Variants in MYO1D observed in about 807,000 individuals in gnomAD.
MYO1D encodes the protein myosin ID.
MYO1D carries 83 observed loss-of-function variants against 122.0 expected under a neutral mutation model. The ratio of observed to expected loss-of-function variants is 0.68; its 90% CI spans 0.57 to 0.82. MYO1D has a LOEUF of 0.82. Ranked by LOEUF, MYO1D falls within the 40% of genes least tolerant of loss-of-function variation. MYO1D has a pLI of 0.00. For missense variants in MYO1D, 1,157 were observed against 1,269.5 expected (o/e 0.91, Z 1.35); for synonymous variants, 464 against 446.9 (o/e 1.04, Z -0.48).
At chr17:32,865,533 T>C (rs776864811) in intron 1 of MYO1D, among the ~76,000 whole-genome samples, 10 of 152,256 alleles carry the variant, frequency 6.6e-5, no homozygotes, top group Non-Finnish European at 1.5e-4. Context: ...GGTGTGTTTA[T>C]CCATCTATTC....
At chr17:32,746,676 C>T (rs537644499) in intron 12 of MYO1D, among the ~76,000 whole-genome samples, 4 of 152,108 alleles carry the variant, frequency 2.6e-5, no homozygotes, top group African/African-American at 9.6e-5. Flanking sequence ...AGAGACCATA[C>T]CTTATGAAGT....
intron 16 of MYO1D, among the ~76,000 whole-genome samples, chr17:32,679,316 G>A (rs1419229400): frequency 6.6e-6 from 1 of 151,814 alleles, no homozygotes; most frequent in African/African-American, 2.4e-5. Flanking sequence ...TTGGTGTTTT[G>A]TACATGAAGT....
At chr17:32,820,290 C>T (rs1385563585) in intron 1 of MYO1D, among the ~76,000 whole-genome samples, 2 of 152,180 alleles carry the variant, frequency 1.3e-5, no homozygotes, top group Non-Finnish European at 2.9e-5. Flanking sequence ...GAAAGAAAAT[C>T]ACCATCTTGA....
intron 1 of MYO1D, among the ~76,000 whole-genome samples, chr17:32,876,315 G>C (rs2151096912): frequency 6.6e-6 from 1 of 152,258 alleles, no homozygotes; most frequent in Non-Finnish European, 1.5e-5. Flanking sequence ...AAAGAAGCAA[G>C]TGTAAAGCCG....
intron 10 of MYO1D, chr17:32,759,668 A>G (rs2089980746): frequency 6.4e-6 from 1 of 156,730 alleles, no homozygotes; most frequent in Non-Finnish European, 1.4e-5. Flanking sequence ...CATGCCTTTT[A>G]GCTTTGATCT....
At chr17:32,831,240 A>G (rs920338315) in intron 1 of MYO1D, among the ~76,000 whole-genome samples, 25 of 152,208 alleles carry the variant, frequency 1.6e-4, no homozygotes, top group African/African-American at 6.0e-4. Flanking sequence ...TTCTGCCGAG[A>G]AAGAGAATAA....
At chr17:32,780,201 T>C (rs2090220975) in intron 2 of MYO1D, among the ~76,000 whole-genome samples, 1 of 152,222 alleles carries the variant, frequency 6.6e-6, no homozygotes. Flanking sequence ...AGTCTGATTT[T>C]GAGTTGATTC....
chr17:32,822,255 T>G (rs1391674830), intron 1 of MYO1D, among the ~76,000 whole-genome samples: 1 of 152,060 alleles, frequency 6.6e-6, no homozygotes, highest in Non-Finnish European at 1.5e-5. Context: ...ACCATCATTC[T>G]CAGCAAACTA....
intron 21 of MYO1D, among the ~76,000 whole-genome samples, chr17:32,537,685 C>G (rs1419950272): frequency 6.6e-6 from 1 of 152,090 alleles, no homozygotes; most frequent in African/African-American, 2.4e-5. Flanking sequence ...GCATAGCGGT[C>G]CATAGAGAGA....
intron 12 of MYO1D, 98 bp downstream of exon 12, chr17:32,748,838 T>C (rs879006417): frequency 9.0e-7 from 1 of 1,114,688 alleles, no homozygotes; most frequent in South Asian, 1.3e-5. Flanking sequence ...GACCAAAACA[T>C]GCAAATGAAT....
At chr17:32,546,444 C>T (rs553977626) in intron 21 of MYO1D, among the ~76,000 whole-genome samples, 1 of 152,326 alleles carries the variant, frequency 6.6e-6, no homozygotes, top group African/African-American at 2.4e-5. Flanking sequence ...GTGAGCAAGT[C>T]CAGAAGCAGG....
At chr17:32,684,543 G>A (rs1411850016) in intron 16 of MYO1D, among the ~76,000 whole-genome samples, 2 of 152,088 alleles carry the variant, frequency 1.3e-5, no homozygotes, top group African/African-American at 4.8e-5. Flanking sequence ...TTAAAGACTC[G>A]CTGATCTGTA....
intron 20 of MYO1D, among the ~76,000 whole-genome samples, chr17:32,613,981 C>A (rs2087738752): frequency 6.6e-6 from 1 of 150,712 alleles, no homozygotes; most frequent in Non-Finnish European, 1.5e-5. Flanking sequence ...TTACAGTATA[C>A]CATGGTATAT....
chr17:32,876,563 C>T (rs961419943), intron 1 of MYO1D, among the ~76,000 whole-genome samples: 2 of 152,112 alleles, frequency 1.3e-5, no homozygotes, highest in Non-Finnish European at 2.9e-5. Flanking sequence ...GCTCGACACG[C>T]CCCCCGCACC....
chr17:32,674,543 C>G (rs1227714450), intron 16 of MYO1D, among the ~76,000 whole-genome samples: 2 of 151,732 alleles, frequency 1.3e-5, no homozygotes, highest in Non-Finnish European at 2.9e-5. Flanking sequence ...TTTTAAAGTA[C>G]TTATTCTTGA....
chr17:32,572,275 G>A (rs903655746), intron 21 of MYO1D, among the ~76,000 whole-genome samples: 1 of 152,020 alleles, frequency 6.6e-6, no homozygotes, highest in Non-Finnish European at 1.5e-5. Context: ...ACCAGAGGCT[G>A]AGGCTGCTTC....
At chr17:32,507,238 A>G (rs1218608941) in intron 21 of MYO1D, among the ~76,000 whole-genome samples, 7 of 145,692 alleles carry the variant, frequency 4.8e-5, no homozygotes, top group South Asian at 4.2e-4. Context: ...CTGTCTTTAC[A>G]AAAAATAAAA....
At position 32,494,480 on chromosome 17, in the gene MYO1D, T is replaced by G; in HGVS notation, c.*279A>C. The G allele has an allele frequency of 2.3e-6, 1 of 442,356 alleles. No homozygotes were observed. The highest frequency in any genetic ancestry group is 4.0e-5 in the Admixed American group (1 of 25,054). 27.4% of individuals were successfully genotyped at this position (442,356 alleles called of 1,614,324 possible). A position where few individuals can be genotyped will look rare whatever the true frequency, so the allele number is the denominator to read the frequency against. On this transcript the variant is annotated 3_prime_UTR_variant, in exon 22 of 22. Transcript: ENST00000318217. Reference sequence around the variant, plus strand: ...GCATCCGCACCAACTAAAGGCACCATCCAGTTGCCTCTGGGGTGAGATTGG... The same window carrying G: ...GCATCCGCACCAACTAAAGGCACCAGCCAGTTGCCTCTGGGGTGAGATTGG...
At chr17:32,621,166 G>A (rs2087851382) in intron 20 of MYO1D, among the ~76,000 whole-genome samples, 1 of 152,014 alleles carries the variant, frequency 6.6e-6, no homozygotes, top group South Asian at 2.1e-4. Flanking sequence ...GGTCAGATGT[G>A]GAATTTTCCA....
Sources: allele counts gnomAD v4.1 joint callset (sites outside exome capture counted in the v4.1 genomes callset), GRCh38; gene constraint gnomAD v4.1.1; transcripts MANE v1.5; gene names NCBI Gene and HGNC (gene_info 2026-07-23, HGNC 2026-07-21).